VIRMA: variants seen among roughly 807,000 people sequenced by gnomAD.
VIRMA encodes protein virilizer homolog.
Under a neutral mutation model 182.4 loss-of-function variants are expected in VIRMA, and 65 were observed. The ratio of observed to expected loss-of-function variants is 0.36; its 90% CI spans 0.29 to 0.44. VIRMA has a LOEUF of 0.44. VIRMA is among the 20% of genes least tolerant of loss of function. The pLI is 1.00. For missense variants in VIRMA, 1,752 were observed against 2,158.1 expected (o/e 0.81, Z 3.73); for synonymous variants, 709 against 743.1 (o/e 0.95, Z 0.75).
At position 94,505,206 on chromosome 8, in the gene VIRMA, A is replaced by T. The variant is rs147352101; in HGVS notation, c.4097+1294T>A. 3.2e-3 allele frequency among the ~76,000 whole-genome samples: 486 copies of T among 152,344 alleles called. 1 individual carries two copies. Among genetic ancestry groups the T allele is most frequent in the African/African-American group, 0.011 (451 of 41,586 alleles). ...CAGAAGATGCAGGTACATCAGGACAAGGAGATGCAGAAAGGAAGAGCCAGC... is the reference window on the plus strand; with the variant it reads ...CAGAAGATGCAGGTACATCAGGACATGGAGATGCAGAAAGGAAGAGCCAGC... On this transcript the variant is annotated intron_variant, in intron 16 of 23. Coordinates refer to ENST00000297591, the MANE Select transcript of VIRMA (RefSeq NM_015496.5).
chr8:94,495,337 G>T (rs1379812577), intron 19 of VIRMA, among the ~76,000 whole-genome samples: 3 of 152,046 alleles, frequency 2.0e-5, no homozygotes, highest in East Asian at 3.9e-4. Context: ...TCTGTGGAAG[G>T]TACAATTAAA....
intron 16 of VIRMA, among the ~76,000 whole-genome samples, chr8:94,504,155 T>C (rs978385800): frequency 3.3e-5 from 5 of 150,598 alleles, no homozygotes; most frequent in African/African-American, 4.9e-5. Context: ...ACCCGGGCGA[T>C]AGAGCAAGAC....
chr8:94,500,126 G>A (rs1428469473), intron 16 of VIRMA, among the ~76,000 whole-genome samples: 6 of 150,790 alleles, frequency 4.0e-5, no homozygotes, highest in South Asian at 2.1e-4. Flanking sequence ...TTGGCCAGGC[G>A]CGGTGGCTCA....
At chr8:94,543,401 CAA>C (rs1162030319) in intron 2 of VIRMA, among the ~76,000 whole-genome samples, 21 of 43,206 alleles carry the variant, frequency 4.9e-4, no homozygotes, top group East Asian at 2.5e-3. Context: ...AACTCCATCT[CAA>C]AAAAAAAAAA....
At chr8:94,494,256 C>T (rs970733048) in intron 20 of VIRMA, among the ~76,000 whole-genome samples, 5 of 151,926 alleles carry the variant, frequency 3.3e-5, no homozygotes, top group African/African-American at 1.2e-4. Flanking sequence ...GGAGTGAGAC[C>T]AGCCTGGGTA....
At chr8:94,496,132 G>A (rs201139873) in intron 18 of VIRMA, 196 bp downstream of exon 18, 26 of 617,588 alleles carry the variant, frequency 4.2e-5, no homozygotes, top group South Asian at 9.8e-5. Flanking sequence ...AAAAAGTACC[G>A]TCTTCATGTA....
Position 94,518,968 on chromosome 8 carries a change from A to G in VIRMA, c.2513+17T>C. 2 of 1,567,352 alleles carry G rather than the reference A, an allele frequency of 1.3e-6. No individual in the cohort carries two copies. Among genetic ancestry groups the G allele is most frequent in the Non-Finnish European group, 1.7e-6 (2 of 1,160,620 alleles). Reference sequence around the variant, plus strand: ...TTCTAACATCATAGAAAATTTAAGGAGTAAGTAGGAAATTACCCCAAGGCT... The same window carrying G: ...TTCTAACATCATAGAAAATTTAAGGGGTAAGTAGGAAATTACCCCAAGGCT... On this transcript the variant is annotated intron_variant, in intron 9 of 23. Coordinates refer to ENST00000297591, the MANE Select transcript of VIRMA (RefSeq NM_015496.5).
rs182625448 is a variant in VIRMA at position 94,535,768 on chromosome 8, C to T, written c.316-761G>A. 2.6e-3 allele frequency among the ~76,000 whole-genome samples: 384 copies of T among 147,186 alleles called. 1 individual carries two copies. Among genetic ancestry groups the T allele is most frequent in the African/African-American group, 8.4e-3 (335 of 39,724 alleles). On this transcript the variant is annotated intron_variant, in intron 4 of 23. Transcript: ENST00000297591. The stretch of plus-strand genomic sequence containing the variant: ...GCACACTCTAGCCTGGGCGACAGAG[C>T]GAGACTTGGTCTCAAAAAAAAAAAA...
At chr8:94,540,542 A>G (rs1166505504) in intron 2 of VIRMA, among the ~76,000 whole-genome samples, 5 of 142,028 alleles carry the variant, frequency 3.5e-5, no homozygotes, top group Non-Finnish European at 7.5e-5. Context: ...TCAGCTCACC[A>G]CAACCTCCGC....
chr8:94,544,029 T>A, intron 1 of VIRMA, 87 bp from the exon 2 acceptor site: 1 of 695,978 alleles, frequency 1.4e-6, no homozygotes, highest in Non-Finnish European at 2.6e-6. Context: ...ATTCACAATG[T>A]CACATGTAAA....
intron 1 of VIRMA, among the ~76,000 whole-genome samples, chr8:94,546,146 G>A (rs1436660111): frequency 2.0e-5 from 3 of 150,764 alleles, no homozygotes; most frequent in Admixed American, 2.0e-4. Flanking sequence ...GCAGAGAAGA[G>A]TAGCTAAGAA....
At chr8:94,507,820 G>C (rs1814212264) in intron 15 of VIRMA, among the ~76,000 whole-genome samples, 1 of 151,568 alleles carries the variant, frequency 6.6e-6, no homozygotes, top group Admixed American at 6.6e-5. Context: ...TGGATGGATA[G>C]AGGAGATGAA....
In VIRMA at chr8:94,509,928, A is replaced by C. The variant is rs377011248; in HGVS notation, c.3639T>G (p.Asp1213Glu). The C allele has an allele frequency of 6.2e-7, 1 of 1,608,550 alleles. No homozygotes were observed. The change falls in exon 15 of 24, where the codon GAT (aspartate) becomes GAG (glutamate). Residue 1213 changes from aspartate (D) to glutamate (E), a missense_variant. This residue lies in a region of VIRMA where 777 missense variants were observed against 920.6 expected (regional missense o/e 0.84). Coordinates refer to ENST00000297591, the MANE Select transcript of VIRMA (RefSeq NM_015496.5). ...IVEDLQSTSE[D>E]KEKQYTSQTT... The stretch of plus-strand genomic sequence containing the variant: ...TTTGGCTAGTATACTGTTTTTCTTT[A>C]TCTTCTGAAGTGCTGAAATAAAATC...
intron 11 of VIRMA, among the ~76,000 whole-genome samples, chr8:94,514,176 T>C (rs927705988): frequency 6.6e-6 from 1 of 152,228 alleles, no homozygotes; most frequent in African/African-American, 2.4e-5. Context: ...AGAGAGATAA[T>C]TCAAGGTCCA....
intron 1 of VIRMA, among the ~76,000 whole-genome samples, chr8:94,547,552 T>C (rs1281067787): frequency 6.6e-6 from 1 of 150,936 alleles, no homozygotes; most frequent in Admixed American, 6.6e-5. Flanking sequence ...GAGTTCCTAA[T>C]TGGTTTCCTG....
intron 8 of VIRMA, among the ~76,000 whole-genome samples, chr8:94,523,830 T>C (rs1041553493): frequency 2.0e-5 from 3 of 150,976 alleles, no homozygotes; most frequent in Non-Finnish European, 3.0e-5. Context: ...CTCACTCTGT[T>C]GCCCAGGCTG....
rs1475158367 is a variant in VIRMA, at chr8:94,509,768, C to G, written c.3799G>C (p.Val1267Leu). ...ATAACACTGTCTCCAGGAGACCGCACCAAAGCTAAAAGATCCTGGAATATC... is the reference window on the plus strand; with the variant it reads ...ATAACACTGTCTCCAGGAGACCGCAGCAAAGCTAAAAGATCCTGGAATATC... ...AEIFQDLLAL[V>L]RSPGDSVIRQ... The change falls in exon 15 of 24, where the codon GTG becomes CTG. Residue 1267 changes from valine to leucine, a missense_variant. Transcript: ENST00000297591. 6.2e-7 allele frequency: 1 copy of G among 1,614,008 alleles called. No homozygotes were observed. Among genetic ancestry groups the G allele is most frequent in the Admixed American group, 1.7e-5 (1 of 60,010 alleles).
At chr8:94,491,394 GAA>G (rs964208451) in intron 22 of VIRMA, among the ~76,000 whole-genome samples, 182 bp downstream of exon 22, 3 of 152,004 alleles carry the variant, frequency 2.0e-5, no homozygotes, top group East Asian at 1.9e-4. Context: ...AAGGTTCATT[GAA>G]AAAAAGTTTC....
At chr8:94,551,011 C>A (rs1045616362) in intron 1 of VIRMA, among the ~76,000 whole-genome samples, 1 of 152,204 alleles carries the variant, frequency 6.6e-6, no homozygotes, top group Non-Finnish European at 1.5e-5. Flanking sequence ...TGAGCCACTG[C>A]GCCTGGCCTA....
Sources: gnomAD v4.1 joint callset for allele counts (sites outside exome capture counted in the v4.1 genomes callset) on GRCh38, gnomAD v4.1.1 for gene constraint, gnomAD v4.1.1 regional missense constraint, MANE v1.5 for transcripts, NCBI Gene and HGNC (gene_info 2026-07-23, HGNC 2026-07-21) for gene names.